Variants in CA4 observed in about 807,000 individuals in gnomAD.
The protein encoded by CA4 is carbonic anhydrase 4.
Under a neutral mutation model 34.5 loss-of-function variants are expected in CA4, and 24 were observed. The observed-to-expected ratio is 0.70, with a 90% CI of 0.50 to 0.98. The LOEUF (loss-of-function observed/expected upper bound fraction) is 0.98. Ranked by LOEUF, CA4 falls within the 50% of genes least tolerant of loss-of-function variation. The pLI, the probability that CA4 is intolerant of heterozygous loss-of-function variation, is 0.00. For synonymous variants in CA4, 178 were observed against 170.6 expected (o/e 1.04, Z -0.34); for missense variants, 394 against 396.7 (o/e 0.99, Z 0.06).
downstream of CA4, among the ~76,000 whole-genome samples, chr17:60,173,723 G>GA (rs1322331172): frequency 2.6e-5 from 4 of 152,352 alleles, no homozygotes; most frequent in Admixed American, 2.0e-4. Context: ...AACTGGCTGT[G>GA]AAAGAGCTTC....
At chr17:60,165,284 C>A (rs1018865597) in intron 5 of CA4, among the ~76,000 whole-genome samples, 1 of 152,138 alleles carries the variant, frequency 6.6e-6, no homozygotes, top group Non-Finnish European at 1.5e-5. Flanking sequence ...TTAGGGACAT[C>A]CCTCAGCACT....
chr17:60,169,315 A>G (rs903973242), intron 5 of CA4, among the ~76,000 whole-genome samples: 1 of 151,702 alleles, frequency 6.6e-6, no homozygotes, highest in African/African-American at 2.4e-5. Flanking sequence ...TCATGGAGAT[A>G]CTACTGCTTG....
At position 60,156,489 on chromosome 17, in the gene CA4, C is replaced by T. The variant is rs2083685873; in HGVS notation, c.113-71C>T. ...GGAACTGAGTGGGTGGGCCTGACTT[C>T]AGTGGGGTGGTGGGGGCTACACCTT... is the stretch of plus-strand genomic sequence containing the variant. On this transcript the variant is annotated intron_variant, in intron 2 of 7. Coordinates refer to ENST00000300900, the MANE Select transcript of CA4 (RefSeq NM_000717.5). 4.7e-6 allele frequency: 7 copies of T among 1,498,422 alleles called. No individual in the cohort carries two copies. In the South Asian group the frequency reaches 7.9e-5, roughly 17 times the overall value. 92.8% of individuals were successfully genotyped at this position (1,498,422 alleles called of 1,614,324 possible). A position where few individuals can be genotyped will look rare whatever the true frequency, so the allele number is the denominator to read the frequency against.
At position 60,159,198 on chromosome 17, in the gene CA4, C is replaced by T. The variant is rs566759180; in HGVS notation, c.745-32C>T. 25 of 1,566,748 alleles carry T rather than the reference C, an allele frequency of 1.6e-5. No individual in the cohort carries two copies. The South Asian group carries it at 2.8e-4, about 18-fold the overall frequency. The stretch of plus-strand genomic sequence containing the variant: ...ACGGCAGGGAGTGCAGCTCCCCCTG[C>T]CCCGACCTGCTGAGCCCCATCACTT... On this transcript the variant is annotated intron_variant, in intron 7 of 7. Transcript: ENST00000300900.
In CA4 at chr17:60,159,406, G is replaced by A. The variant is rs1228883481; in HGVS notation, c.921G>A (p.Leu307=). ...TGGGCCCCATGCTGGCCTGCCTGCT[G>A]GCCGGCTTCCTGCGATGATGGCTCA... ...ALLGPMLACL[L]AGFLR Residue 307 remains leucine, a synonymous_variant, in exon 8 of 8, where the codon CTG becomes CTA. Coordinates refer to ENST00000300900, the MANE Select transcript of CA4 (RefSeq NM_000717.5). 1.9e-6 allele frequency: 3 copies of A among 1,612,196 alleles called. No individual in the cohort carries two copies. Among genetic ancestry groups the A allele is most frequent in the Non-Finnish European group, 2.5e-6 (3 of 1,179,716 alleles).
chr17:60,174,012 T>C (rs569450951), downstream of CA4, among the ~76,000 whole-genome samples: 5 of 152,262 alleles, frequency 3.3e-5, no homozygotes, highest in South Asian at 1.0e-3. Context: ...GAACATAACA[T>C]TATTGTTATA....
intron 2 of CA4, 86 bp from the exon 3 acceptor site, chr17:60,156,474 G>T: frequency 3.0e-6 from 4 of 1,328,584 alleles, no homozygotes; most frequent in Non-Finnish European, 4.3e-6. Context: ...GGAACTGAGT[G>T]GGTGGGCCTG....
At chr17:60,171,514 T>A (rs935682866), downstream of CA4, among the ~76,000 whole-genome samples, 1 of 152,216 alleles carries the variant, frequency 6.6e-6, no homozygotes, top group African/African-American at 2.4e-5. Flanking sequence ...TGGCCATGAT[T>A]TCTAGCAGAC....
At chr17:60,161,040 C>T (rs1383404541), downstream of CA4, among the ~76,000 whole-genome samples, 2 of 151,906 alleles carry the variant, frequency 1.3e-5, no homozygotes, top group Non-Finnish European at 2.9e-5. Context: ...TGCCGCAGTG[C>T]CCAGGAGCTG....
intron 1 of CA4, among the ~76,000 whole-genome samples, chr17:60,153,413 C>T (rs950894540): frequency 6.6e-6 from 1 of 152,196 alleles, no homozygotes; most frequent in Admixed American, 6.5e-5. Flanking sequence ...ACCCTTGTAG[C>T]AGAGCACATG....
chr17:60,170,754 C>G (rs1306311941), exon 6 of CA4: 1 of 152,270 alleles, frequency 6.6e-6, no homozygotes, highest in Non-Finnish European at 1.5e-5. Flanking sequence ...TCCACACTCA[C>G]TTTCTTATTC....
At chr17:60,151,475 A>C (rs1486226600) in intron 1 of CA4, 1 of 152,194 alleles carries the variant, frequency 6.6e-6, no homozygotes, top group Non-Finnish European at 1.5e-5. Flanking sequence ...AGCAGCTAGA[A>C]AGTAGAAAGA....
chr17:60,160,184 C>T (rs1404936288), downstream of CA4, among the ~76,000 whole-genome samples: 1 of 152,146 alleles, frequency 6.6e-6, no homozygotes, highest in Non-Finnish European at 1.5e-5. Context: ...AGGGCAGAGC[C>T]GACTGCATGA....
chr17:60,178,726 T>C, the CA4 span, among the ~76,000 whole-genome samples: 1 of 152,226 alleles, frequency 6.6e-6, no homozygotes, highest in African/African-American at 2.4e-5. Context: ...AAAAAATAAA[T>C]TGAAAAATCC....
At chr17:60,167,648 T>C (rs2083868599) in intron 5 of CA4, among the ~76,000 whole-genome samples, 1 of 152,244 alleles carries the variant, frequency 6.6e-6, no homozygotes, top group Admixed American at 6.5e-5. Flanking sequence ...TTCCAGGCTC[T>C]ATTTATGCCA....
At chr17:60,152,963 T>C (rs1465278449) in intron 1 of CA4, among the ~76,000 whole-genome samples, 2 of 152,152 alleles carry the variant, frequency 1.3e-5, no homozygotes, top group African/African-American at 4.8e-5. Context: ...ATTAATAATA[T>C]TTACTACACA....
rs2083860284 is a variant in CA4 at position 60,166,800 on chromosome 17, T to C, written c.*179-3751T>C. ...GGCGAAACCCTGTCTCTACTAAAAA[T>C]ACAAAGATTAGCTGGGCATGGTGGC... On this transcript the variant is annotated intron_variant and NMD_transcript_variant, in intron 5 of 5. Transcript: ENST00000586876. 2.0e-5 allele frequency among the ~76,000 whole-genome samples: 3 copies of C among 152,112 alleles called. No individual in the cohort carries two copies. In the South Asian group the frequency reaches 6.2e-4, roughly 32 times the overall value.
In CA4 at chr17:60,158,492, C is replaced by T. The variant is rs567250751; in HGVS notation, c.744+46C>T. On this transcript the variant is annotated intron_variant, in intron 7 of 7. Transcript: ENST00000300900. ...GGCATGGGCTCCCACTGCCTGGCTC[C>T]CCAGAAATTATCCCTCTGTCTGCCC... 3 of 1,596,036 alleles carry T rather than the reference C, an allele frequency of 1.9e-6. No homozygotes were observed. The Admixed American group carries it at 5.1e-5, about 27-fold the overall frequency.
downstream of CA4, among the ~76,000 whole-genome samples, chr17:60,164,138 C>T (rs1013507247): frequency 2.2e-4 from 33 of 149,352 alleles, no homozygotes; most frequent in Admixed American, 4.6e-4. Flanking sequence ...CAAACGTAAT[C>T]TTCCTTCCTC....
Sources: allele counts gnomAD v4.1 joint callset (sites outside exome capture counted in the v4.1 genomes callset), GRCh38; gene constraint gnomAD v4.1.1; transcripts MANE v1.5; gene names NCBI Gene and HGNC (gene_info 2026-07-23, HGNC 2026-07-21).